The following USP34 variants were observed in gnomAD, a reference collection of about 807,000 sequenced individuals.
USP34 encodes ubiquitin specific peptidase 34.
In USP34, 70 loss-of-function variants were observed where a neutral mutation model predicts 460.3. The observed-to-expected ratio is 0.15, with a 90% CI of 0.13 to 0.19. The LOEUF is 0.19. Among genes scored for constraint, USP34 ranks in the 10% least tolerant of loss-of-function variants. The probability of loss-of-function intolerance (pLI) is 1.00; values close to 1 mark genes in which losing one functional copy is unlikely to be tolerated. For synonymous variants in USP34, 1,647 were observed against 1,405.3 expected, an observed-to-expected ratio of 1.17 and a Z score of -3.85; for missense variants, 3,985 against 4,236.2, an observed-to-expected ratio of 0.94 and a Z score of 1.65.
At chr2:61,320,001 T>C (rs1456413475) in intron 21 of USP34, among the ~76,000 whole-genome samples, 1 of 152,154 alleles carries the variant, frequency 6.6e-6, no homozygotes, top group Non-Finnish European at 1.5e-5. Flanking sequence ...TCGGTGGTGG[T>C]AGATGAAATC....
At position 61,229,579 on chromosome 2, in the gene USP34, G is replaced by T; in HGVS notation, c.7168C>A (p.His2390Asn). 6.2e-7 allele frequency: 1 copy of T among 1,609,888 alleles called. No individual in the cohort carries two copies. Among genetic ancestry groups the T allele is most frequent in the South Asian group, 1.1e-5 (1 of 90,686 alleles). ...TCCATTCCTGGCTGCAAATAGAGATGAGCATGCACAGGTCTCAGCCTCTGA... is the reference window on the plus strand; with the variant it reads ...TCCATTCCTGGCTGCAAATAGAGATTAGCATGCACAGGTCTCAGCCTCTGA... ...VIQRLRPVHA[H>N]LYLQPGMEDG... The change falls in exon 59 of 80, where the codon CAT becomes AAT. Residue 2390 changes from histidine (H) to asparagine (N), a missense_variant. Around this residue, in one of 14 missense-constraint regions of USP34, gnomAD observed 604 missense variants for 684.8 expected, o/e 0.88. Coordinates refer to ENST00000398571, the MANE Select transcript of USP34 (RefSeq NM_014709.4).
At chr2:61,247,858 A>G (rs746192096) in intron 49 of USP34, among the ~76,000 whole-genome samples, 9 of 152,112 alleles carry the variant, frequency 5.9e-5, no homozygotes, top group Non-Finnish European at 7.4e-5. Context: ...GCAGTAGTGC[A>G]ATCTCAACTC....
At chr2:61,235,623 C>T (rs1688045983) in intron 57 of USP34, among the ~76,000 whole-genome samples, 1 of 151,838 alleles carries the variant, frequency 6.6e-6, no homozygotes, top group Non-Finnish European at 1.5e-5. Flanking sequence ...CACACCTGGC[C>T]AAAACATGAA....
rs754409003 is a variant in USP34, at chr2:61,370,307, G to T, written c.1251+14C>A. 3 of 1,610,260 alleles carry T rather than the reference G, an allele frequency of 1.9e-6. No homozygotes were observed. The highest frequency in any genetic ancestry group is 2.5e-6 in the Non-Finnish European group (3 of 1,177,342). ...TAAGCAAAGCACTCAATAAATGTGA[G>T]CTGTTAATATTACCTGTGCTGCAGC... is the stretch of plus-strand genomic sequence containing the variant. On this transcript the variant is annotated intron_variant, in intron 10 of 79. Transcript: ENST00000398571.
In USP34 at chr2:61,221,557, C is replaced by T. The variant is rs1201695306; in HGVS notation, c.7844G>A (p.Gly2615Asp). ...KLLTMLMEFAGGPPGMPPFAS... is the reference protein window; with the variant it reads ...KLLTMLMEFADGPPGMPPFAS... ...AAAGGGAGGCATTCCTGGAGGTCCA[C>T]CAGCAAACTCCATTAGCATAGTCAA... Residue 2615 changes from glycine to aspartate, a missense_variant, in exon 66 of 80, where the codon GGT (glycine) becomes GAT (aspartate). Transcript: ENST00000398571. The T allele has an allele frequency of 6.2e-7, 1 of 1,614,106 alleles. No individual in the cohort carries two copies. Among genetic ancestry groups the T allele is most frequent in the Non-Finnish European group, 8.5e-7 (1 of 1,179,976 alleles).
At chr2:61,347,370 T>G (rs2103776172) in intron 15 of USP34, among the ~76,000 whole-genome samples, 1 of 152,290 alleles carries the variant, frequency 6.6e-6, no homozygotes, top group Admixed American at 6.5e-5. Flanking sequence ...CCTGGTTTTT[T>G]ATTGTTGTTG....
chr2:61,354,919 C>T (rs969411057), intron 10 of USP34, among the ~76,000 whole-genome samples: 1 of 152,134 alleles, frequency 6.6e-6, no homozygotes, highest in African/African-American at 2.4e-5. Flanking sequence ...GTGCACTGTA[C>T]CAGACCCCAT....
chr2:61,404,631 C>T (rs1400304821), intron 3 of USP34, among the ~76,000 whole-genome samples: 1 of 152,192 alleles, frequency 6.6e-6, no homozygotes, highest in African/African-American at 2.4e-5. Flanking sequence ...CCCCAGATAA[C>T]AGCCACTACC....
At chr2:61,195,951 C>T (rs567203322) in intron 75 of USP34, among the ~76,000 whole-genome samples, 14 of 151,824 alleles carry the variant, frequency 9.2e-5, no homozygotes, top group South Asian at 6.3e-4. Context: ...TTATCACCCA[C>T]GCTGGAGGAC....
intron 32 of USP34, 77 bp from the exon 33 acceptor site, chr2:61,293,627 G>C: frequency 1.9e-6 from 2 of 1,030,528 alleles, no homozygotes; most frequent in South Asian, 1.5e-5. Context: ...TCAGTAACTG[G>C]ATATGTAAAA....
intron 27 of USP34, among the ~76,000 whole-genome samples, chr2:61,304,467 A>G (rs896760795): frequency 6.6e-6 from 1 of 152,218 alleles, no homozygotes; most frequent in African/African-American, 2.4e-5. Context: ...TCGAATCCTA[A>G]TTACCAAGGT....
chr2:61,378,451 G>T (rs1692861303), intron 7 of USP34, 27 bp from the exon 8 acceptor site: 6 of 1,536,880 alleles, frequency 3.9e-6, no homozygotes, highest in Non-Finnish European at 5.3e-6. Flanking sequence ...GAAATTAAGG[G>T]TTTTTATTTC....
chr2:61,380,019 C>T (rs972595402), intron 7 of USP34, 150 bp downstream of exon 7: 1 of 585,944 alleles, frequency 1.7e-6, no homozygotes, highest in Non-Finnish European at 2.8e-6. Context: ...AAGAGAAACA[C>T]AGAAATTATT....
intron 23 of USP34, among the ~76,000 whole-genome samples, chr2:61,315,481 C>G (rs1690715050): frequency 6.6e-6 from 1 of 151,892 alleles, no homozygotes; most frequent in Non-Finnish European, 1.5e-5. Flanking sequence ...TCCAAGGATT[C>G]TCATGCCTTA....
At chr2:61,465,411 T>G (rs1249402673) in intron 1 of USP34, among the ~76,000 whole-genome samples, 1 of 152,238 alleles carries the variant, frequency 6.6e-6, no homozygotes, top group East Asian at 1.9e-4. Flanking sequence ...GAACTGTTCA[T>G]AATCTGTTAC....
At chr2:61,229,152 G>C (rs1291988115) in intron 59 of USP34, among the ~76,000 whole-genome samples, 157 bp from the exon 60 acceptor site, 1 of 152,016 alleles carries the variant, frequency 6.6e-6, no homozygotes, top group Admixed American at 6.6e-5. Flanking sequence ...CTAAATCAAT[G>C]CAAACAAAAA....
At chr2:61,377,970 C>T (rs893401419) in intron 8 of USP34, among the ~76,000 whole-genome samples, 3 of 152,164 alleles carry the variant, frequency 2.0e-5, no homozygotes, top group Non-Finnish European at 4.4e-5. Flanking sequence ...CTTGAGTCTA[C>T]AAGACTAGAC....
At chr2:61,338,390 A>T (rs1225374805) in intron 18 of USP34, among the ~76,000 whole-genome samples, 1 of 152,240 alleles carries the variant, frequency 6.6e-6, no homozygotes, top group Non-Finnish European at 1.5e-5. Flanking sequence ...GTGGTTTCTT[A>T]TATGTGCATG....
chr2:61,339,131 A>G (rs1691512690), intron 18 of USP34, among the ~76,000 whole-genome samples: 1 of 152,186 alleles, frequency 6.6e-6, no homozygotes, highest in Admixed American at 6.5e-5. Flanking sequence ...GATCTAACAA[A>G]GAATGGTGAA....
Sources: gnomAD v4.1 joint callset for allele counts (sites outside exome capture counted in the v4.1 genomes callset) on GRCh38, gnomAD v4.1.1 for gene constraint, gnomAD v4.1.1 regional missense constraint, MANE v1.5 for transcripts, NCBI Gene and HGNC (gene_info 2026-07-23, HGNC 2026-07-21) for gene names.